DLGAP2: variants seen among roughly 807,000 people sequenced by gnomAD.
The protein encoded by DLGAP2 is disks large-associated protein 2.
DLGAP2 carries 26 observed loss-of-function variants against 100.3 expected under a neutral mutation model. That is an observed-to-expected ratio of 0.26 (90% CI 0.19 to 0.36). The LOEUF is 0.36. DLGAP2 is among the 10% of genes least tolerant of loss of function. The pLI is 1.00. For synonymous variants in DLGAP2, 886 were observed against 630.1 expected, an observed-to-expected ratio of 1.41 and a Z score of -6.08; for missense variants, 1,858 against 1,453.2, an observed-to-expected ratio of 1.28 and a Z score of -4.53.
At position 816,210 on chromosome 8, in the gene DLGAP2, A is replaced by T. The variant is rs138199154; in HGVS notation, c.18+78385A>T. On this transcript the variant is annotated intron_variant, in intron 1 of 14. Transcript: ENST00000637795. ...GGAACATTTAGTACATTTACATTCA[A>T]TGTTAGTATTGAGATGTGAGATACT... Among the ~76,000 whole-genome samples the T allele has an allele frequency of 5.7e-3, 854 of 150,748 alleles. 8 individuals carry two copies. Among genetic ancestry groups the T allele is most frequent in the African/African-American group, 0.019 (801 of 41,168 alleles).
chr8:1,469,423 C>T (rs559630067), intron 3 of DLGAP2, among the ~76,000 whole-genome samples: 1 of 152,310 alleles, frequency 6.6e-6, no homozygotes, highest in South Asian at 2.1e-4. Context: ...CTCCATGTGG[C>T]CACCAAGGGC....
chr8:1,670,943 C>T (rs1172673704), intron 10 of DLGAP2, among the ~76,000 whole-genome samples: 1 of 152,312 alleles, frequency 6.6e-6, no homozygotes, highest in Admixed American at 6.5e-5. Context: ...AGACGGCAGC[C>T]TTGCCAGGGC....
chr8:1,136,299 G>A (rs74668192), intron 2 of DLGAP2, among the ~76,000 whole-genome samples: 37,704 of 151,446 alleles, frequency 0.25, 4,890 homozygotes, highest in Middle Eastern at 0.39. Flanking sequence ...TTCAAACCTC[G>A]TAAAAAAAAA....
chr8:1,275,026 G>A (rs1009874547), intron 3 of DLGAP2, among the ~76,000 whole-genome samples: 4 of 152,010 alleles, frequency 2.6e-5, no homozygotes, highest in African/African-American at 7.2e-5. Context: ...TTGCTCTACC[G>A]CAGACAGACA....
At chr8:1,693,435 T>C (rs576253453) in intron 13 of DLGAP2, among the ~76,000 whole-genome samples, 3 of 152,022 alleles carry the variant, frequency 2.0e-5, no homozygotes, top group East Asian at 3.8e-4. Context: ...TTTTGAGAAA[T>C]AGTAAATAAT....
chr8:1,156,646 C>CGCCCCAGCTCAGT (rs1563220077), intron 2 of DLGAP2, among the ~76,000 whole-genome samples: 3 of 151,978 alleles, frequency 2.0e-5, no homozygotes, highest in African/African-American at 4.8e-5. Flanking sequence ...CCCGGCTCAG[C>CGCCCCAGCTCAGT]GCCCCAGCCC....
At chr8:799,312 A>G (rs1375271198) in intron 1 of DLGAP2, among the ~76,000 whole-genome samples, 1 of 151,972 alleles carries the variant, frequency 6.6e-6, no homozygotes, top group Admixed American at 6.6e-5. Flanking sequence ...CTTTGTTTAC[A>G]GTTGCGCTTG....
intron 2 of DLGAP2, among the ~76,000 whole-genome samples, chr8:1,090,754 GGTT>G (rs892737792): frequency 3.3e-5 from 5 of 152,148 alleles, no homozygotes; most frequent in African/African-American, 7.2e-5. Flanking sequence ...ATCCTGCATA[GGTT>G]GTTGTTGTTG....
rs537596118 is a variant in DLGAP2, at chr8:1,618,958, C to T, written c.1443-7782C>T. Among the ~76,000 whole-genome samples, 4 of 152,200 alleles carry T rather than the reference C, an allele frequency of 2.6e-5. No homozygotes were observed. The South Asian group carries it at 8.3e-4, about 32-fold the overall frequency. ...ATGTCCCTTGAGGGCCTAATCGCCC[C>T]AGATTAAGAACTACTCAAATAGACA... is the stretch of plus-strand genomic sequence containing the variant. On this transcript the variant is annotated intron_variant, in intron 6 of 14. Transcript: ENST00000637795.
chr8:1,501,931 C>T (rs983567000), intron 4 of DLGAP2, among the ~76,000 whole-genome samples: 2 of 152,180 alleles, frequency 1.3e-5, no homozygotes, highest in South Asian at 2.1e-4. Context: ...GTTCAAATCA[C>T]GTGGAAATTT....
At chr8:1,321,384 C>T (rs535724588) in intron 3 of DLGAP2, among the ~76,000 whole-genome samples, 10 of 149,642 alleles carry the variant, frequency 6.7e-5, no homozygotes, top group Admixed American at 4.7e-4. Context: ...CATGTGTATC[C>T]GTGTGTCTCT....
At chr8:1,293,734 G>A (rs1020587562) in intron 3 of DLGAP2, among the ~76,000 whole-genome samples, 2 of 152,066 alleles carry the variant, frequency 1.3e-5, no homozygotes, top group African/African-American at 2.4e-5. Flanking sequence ...ACAAACAAAC[G>A]ATAATTAACA....
chr8:984,004 C>G (rs1333658544), intron 2 of DLGAP2, among the ~76,000 whole-genome samples: 1 of 152,122 alleles, frequency 6.6e-6, no homozygotes, highest in Non-Finnish European at 1.5e-5. Context: ...GAAGAGTGTG[C>G]CGAGCACACA....
intron 1 of DLGAP2, among the ~76,000 whole-genome samples, chr8:813,331 G>A (rs551255917): frequency 1.3e-5 from 2 of 151,932 alleles, no homozygotes; most frequent in Non-Finnish European, 2.9e-5. Flanking sequence ...ATATAAATTA[G>A]GTGGGTGATA....
rs527450740 is a variant in DLGAP2 at position 1,484,475 on chromosome 8, G to C, written c.107-16891G>C. 6.6e-5 allele frequency among the ~76,000 whole-genome samples: 10 copies of C among 152,384 alleles called. No homozygotes were observed. The South Asian group carries it at 2.1e-3, about 32-fold the overall frequency. On this transcript the variant is annotated intron_variant, in intron 3 of 14. Coordinates refer to ENST00000637795, the MANE Select transcript of DLGAP2 (RefSeq NM_001346810.2). ...TGCGACTGGACGGCTCTGCCCCAGA[G>C]CGGTGCCCGCCGACCCAGGGTCCTC...
intron 3 of DLGAP2, among the ~76,000 whole-genome samples, chr8:1,293,788 C>T (rs28666422): frequency 0.18 from 27,835 of 152,116 alleles, 2,968 homozygotes; most frequent in Non-Finnish European, 0.22. Context: ...TCCTTCTTCA[C>T]TTATTAAACA....
intron 2 of DLGAP2, among the ~76,000 whole-genome samples, chr8:930,802 A>T (rs1166359412): frequency 6.6e-6 from 1 of 152,214 alleles, no homozygotes; most frequent in African/African-American, 2.4e-5. Flanking sequence ...CTGTCCTGTG[A>T]ACAGTGAAAA....
intron 3 of DLGAP2, among the ~76,000 whole-genome samples, chr8:1,341,210 C>A (rs1032826798): frequency 2.0e-5 from 3 of 152,156 alleles, no homozygotes; most frequent in African/African-American, 7.2e-5. Flanking sequence ...AAGACACCTG[C>A]GCATGGACCC....
intron 2 of DLGAP2, among the ~76,000 whole-genome samples, chr8:1,209,288 T>C (rs556494401): frequency 6.6e-6 from 1 of 152,320 alleles, no homozygotes; most frequent in South Asian, 2.1e-4. Context: ...AGCATGGTAC[T>C]GGCATAAAAA....
Sources: gnomAD v4.1 joint callset for allele counts (sites outside exome capture counted in the v4.1 genomes callset) on GRCh38, gnomAD v4.1.1 for gene constraint, MANE v1.5 for transcripts, NCBI Gene and HGNC (gene_info 2026-07-23, HGNC 2026-07-21) for gene names.